ZMYM4: variants seen among roughly 807,000 people sequenced by gnomAD.
ZMYM4 encodes zinc finger MYM-type containing 4, also known as zinc finger MYM-type protein 4.
In ZMYM4, 31 loss-of-function variants were observed where a neutral mutation model predicts 183.2. The observed-to-expected ratio is 0.17, with a 90% CI of 0.13 to 0.23. The LOEUF is 0.23. ZMYM4 is among the 10% of genes least tolerant of loss of function. ZMYM4 has a pLI of 1.00. For missense variants in ZMYM4, 1,273 were observed against 1,840.3 expected (o/e 0.69, Z 5.64); for synonymous variants, 592 against 631.2 (o/e 0.94, Z 0.93).
chr1:35,319,187 C>CA (rs1341755816), intron 1 of ZMYM4, among the ~76,000 whole-genome samples: 1 of 152,156 alleles, frequency 6.6e-6, no homozygotes, highest in African/African-American at 2.4e-5. Flanking sequence ...GCCAAACTGA[C>CA]AGAGTTTTTA....
At chr1:35,277,686 T>C (rs1639940451) in intron 1 of ZMYM4, among the ~76,000 whole-genome samples, 2 of 152,176 alleles carry the variant, frequency 1.3e-5, no homozygotes, top group Admixed American at 1.3e-4. Context: ...AATTCTTTCA[T>C]AAAGAATTCC....
In ZMYM4 at chr1:35,385,503, T is replaced by C. The variant is rs749685426; in HGVS notation, c.1631T>C (p.Ile544Thr). ...TCATTGAGATCCTCAGCAGAAATGA[T>C]TGAAAATACCAATAGCTTGGGGAAG... ...CKSLRSSAEMIENTNSLGKTE... is the reference protein window; with the variant it reads ...CKSLRSSAEMTENTNSLGKTE... Residue 544 changes from isoleucine to threonine, a missense_variant, in exon 10 of 30, where the codon ATT becomes ACT. Physicochemically the swap from Ile to Thr is moderately conservative, Grantham distance 89 (BLOSUM62 -1). Around this residue, in one of 6 missense-constraint regions of ZMYM4, gnomAD observed 319 missense variants for 518.1 expected, o/e 0.62. Transcript: ENST00000314607. 3.1e-6 allele frequency: 5 copies of C among 1,613,572 alleles called. No homozygotes were observed. The highest frequency in any genetic ancestry group is 4.2e-6 in the Non-Finnish European group (5 of 1,179,876).
chr1:35,288,327 T>C (rs1640603911), intron 1 of ZMYM4, among the ~76,000 whole-genome samples: 1 of 152,246 alleles, frequency 6.6e-6, no homozygotes, highest in East Asian at 1.9e-4. Flanking sequence ...TGTTTATCTT[T>C]GAGGTAACAA....
At chr1:35,347,866 TAATATGCTCTTTGAAATACTG>T (rs1643457340) in intron 2 of ZMYM4, among the ~76,000 whole-genome samples, 1 of 152,214 alleles carries the variant, frequency 6.6e-6, no homozygotes, top group Non-Finnish European at 1.5e-5. Context: ...CTTACAAAAG[TAATATGCTCTTTGAAATACTG>T]ACATGTAATA....
rs558058235 is a variant in ZMYM4, at chr1:35,347,612, T to G, written c.86-11313T>G. On this transcript the variant is annotated intron_variant, in intron 2 of 29. Transcript: ENST00000314607. ...TATCTGAATAGAAAGGGATATCAGC[T>G]AAATCTGCTGTGACAAGTGAAGAGA... Among the ~76,000 whole-genome samples the G allele has an allele frequency of 1.1e-4, 17 of 152,282 alleles. 1 individual carries two copies. The East Asian group carries it at 3.3e-3, about 29-fold the overall frequency.
intron 5 of ZMYM4, among the ~76,000 whole-genome samples, chr1:35,362,865 C>T (rs745703837): frequency 2.0e-5 from 3 of 151,812 alleles, no homozygotes; most frequent in South Asian, 2.1e-4. Context: ...ACCACACTGG[C>T]GAATTAAAAA....
At chr1:35,352,009 T>C (rs530574503) in intron 2 of ZMYM4, among the ~76,000 whole-genome samples, 93 of 152,320 alleles carry the variant, frequency 6.1e-4, no homozygotes, top group African/African-American at 2.1e-3. Flanking sequence ...CACAAAGATT[T>C]TCCTCCTGAA....
Position 35,389,119 on chromosome 1 carries a change from G to A in ZMYM4, c.2436+37G>A. 6.4e-7 allele frequency: 1 copy of A among 1,562,836 alleles called. No homozygotes were observed. The highest frequency in any genetic ancestry group is 1.2e-5 in the South Asian group (1 of 83,346). ...TCACATTCCTGGGTTTTTCATTCTAGGGCATAAATTATTCCCTTTTAAAAT... is the reference window on the plus strand; with the variant it reads ...TCACATTCCTGGGTTTTTCATTCTAAGGCATAAATTATTCCCTTTTAAAAT... On this transcript the variant is annotated intron_variant, in intron 14 of 29. Coordinates refer to ENST00000314607, the MANE Select transcript of ZMYM4 (RefSeq NM_005095.3). The surrounding 1 kb of genome is among the most constrained non-coding windows in gnomAD (Gnocchi z 4.0).
intron 1 of ZMYM4, among the ~76,000 whole-genome samples, chr1:35,297,939 TAAAG>T (rs1374009315): frequency 6.6e-6 from 1 of 152,178 alleles, no homozygotes; most frequent in Non-Finnish European, 1.5e-5. Context: ...AAGTTTAACA[TAAAG>T]AATTATTTAC....
intron 28 of ZMYM4, 26 bp from the exon 29 acceptor site, chr1:35,418,417 C>G: frequency 6.2e-7 from 1 of 1,609,462 alleles, no homozygotes; most frequent in Non-Finnish European, 8.5e-7. Flanking sequence ...TAATATAATC[C>G]TTTGATTATT....
intron 2 of ZMYM4, among the ~76,000 whole-genome samples, chr1:35,327,326 A>G (rs1349913367): frequency 6.6e-6 from 1 of 152,228 alleles, no homozygotes; most frequent in Non-Finnish European, 1.5e-5. Flanking sequence ...ACATCTTTGT[A>G]TACTTGTTGA....
At chr1:35,369,338 A>G (rs1644156139) in intron 5 of ZMYM4, among the ~76,000 whole-genome samples, 1 of 152,204 alleles carries the variant, frequency 6.6e-6, no homozygotes, top group South Asian at 2.1e-4. Flanking sequence ...ATACGTGTAT[A>G]TGCACATAGA....
chr1:35,347,766 C>T (rs947538076), intron 2 of ZMYM4, among the ~76,000 whole-genome samples: 2 of 151,926 alleles, frequency 1.3e-5, no homozygotes, highest in African/African-American at 2.4e-5. Flanking sequence ...TCATTGGTAC[C>T]GTCTCCCCAT....
At chr1:35,361,059 G>T (rs1268556138) in intron 3 of ZMYM4, 135 bp from the exon 4 acceptor site, 3 of 665,304 alleles carry the variant, frequency 4.5e-6, no homozygotes, top group African/African-American at 3.8e-5. Context: ...GGTGTTTTTG[G>T]GACCCAGTTC....
intron 1 of ZMYM4, among the ~76,000 whole-genome samples, chr1:35,281,744 A>G (rs1373108105): frequency 6.6e-6 from 1 of 152,040 alleles, no homozygotes; most frequent in East Asian, 1.9e-4. Context: ...TACATAAACA[A>G]TATTGTGCAA....
At chr1:35,330,238 A>AAGGG (rs1021160407) in intron 2 of ZMYM4, among the ~76,000 whole-genome samples, 1 of 146,960 alleles carries the variant, frequency 6.8e-6, no homozygotes, top group African/African-American at 2.5e-5. Context: ...GGAAGGGAAG[A>AAGGG]AGGGAGGGAG....
intron 18 of ZMYM4, among the ~76,000 whole-genome samples, chr1:35,395,768 A>G (rs956008378): frequency 2.0e-5 from 3 of 152,216 alleles, no homozygotes; most frequent in Non-Finnish European, 4.4e-5. Flanking sequence ...TTATTTTATA[A>G]TAAAGTTTTG....
chr1:35,306,081 G>C (rs796403315), intron 1 of ZMYM4, among the ~76,000 whole-genome samples: 37 of 152,104 alleles, frequency 2.4e-4, no homozygotes, highest in African/African-American at 8.7e-4. Context: ...TAAGTCTTCT[G>C]TCTTCTTATT....
intron 1 of ZMYM4, among the ~76,000 whole-genome samples, chr1:35,309,197 A>G (rs373776201): frequency 6.6e-6 from 1 of 152,234 alleles, no homozygotes; most frequent in Non-Finnish European, 1.5e-5. Flanking sequence ...TTGGTTATAC[A>G]TGGTACAAGT....
Sources: gnomAD v4.1 joint callset for allele counts (sites outside exome capture counted in the v4.1 genomes callset) on GRCh38, gnomAD v4.1.1 for gene constraint, gnomAD v4.1.1 regional missense constraint, Gnocchi (gnomAD v3.1) non-coding constraint, MANE v1.5 for transcripts, NCBI Gene and HGNC (gene_info 2026-07-23, HGNC 2026-07-21) for gene names.